Variants in DYNC2LI1 observed in about 807,000 individuals in gnomAD.
DYNC2LI1 encodes the protein dynein cytoplasmic 2 light intermediate chain 1, also known as cytoplasmic dynein 2 light intermediate chain 1.
A neutral mutation model predicts 51.9 loss-of-function variants in DYNC2LI1; 45 were observed. The observed-to-expected ratio is 0.87, with a 90% CI of 0.68 to 1.11. The LOEUF is 1.11. DYNC2LI1 is among the 50% of genes most tolerant of loss of function. The pLI is 0.00. For missense variants in DYNC2LI1, 490 were observed against 417.4 expected (o/e 1.17, Z -1.51); for synonymous variants, 130 against 137.8 (o/e 0.94, Z 0.40).
intron 3 of DYNC2LI1, 147 bp downstream of exon 3, chr2:43,783,701 A>G (rs1673394659): frequency 1.9e-6 from 1 of 517,018 alleles, no homozygotes; most frequent in Non-Finnish European, 3.3e-6. Context: ...ATAACCTTTA[A>G]GAGCGCCTTT....
At chr2:43,789,338 A>G (rs1673670166) in intron 4 of DYNC2LI1, among the ~76,000 whole-genome samples, 1 of 152,214 alleles carries the variant, frequency 6.6e-6, no homozygotes, top group Admixed American at 6.5e-5. Flanking sequence ...CTGCATAAGT[A>G]TATGCTACAT....
intron 5 of DYNC2LI1, chr2:43,792,834 C>A: frequency 6.6e-7 from 1 of 1,507,268 alleles, no homozygotes. Context: ...CAGGATTTCC[C>A]TCACTTCTAA....
the DYNC2LI1 span, chr2:43,820,187 G>A: frequency 1.3e-6 from 2 of 1,486,178 alleles, no homozygotes; most frequent in Non-Finnish European, 1.8e-6. Flanking sequence ...TAAATCCTTT[G>A]TGGTGAGTGG....
the DYNC2LI1 span, chr2:43,823,883 G>C: frequency 1.2e-6 from 2 of 1,610,120 alleles, no homozygotes; most frequent in East Asian, 2.2e-5. Context: ...TAGGGAGAAA[G>C]AGGTGCACCT....
At chr2:43,808,643 A>T (rs1321039584) in intron 12 of DYNC2LI1, among the ~76,000 whole-genome samples, 1 of 152,184 alleles carries the variant, frequency 6.6e-6, no homozygotes, top group Non-Finnish European at 1.5e-5. Flanking sequence ...GGTAAGATAT[A>T]CTCCTTGTGA....
chr2:43,820,732 C>T, the DYNC2LI1 span, among the ~76,000 whole-genome samples: 5 of 152,160 alleles, frequency 3.3e-5, no homozygotes, highest in African/African-American at 1.2e-4. Flanking sequence ...TGGCTCATTG[C>T]AACCTCTGCT....
the DYNC2LI1 span, among the ~76,000 whole-genome samples, chr2:43,821,631 C>G: frequency 6.6e-6 from 1 of 152,130 alleles, no homozygotes; most frequent in African/African-American, 2.4e-5. Context: ...TGGACAATGC[C>G]TATTGCCGCA....
At chr2:43,820,376 A>G in the DYNC2LI1 span, among the ~76,000 whole-genome samples, 18 of 152,300 alleles carry the variant, frequency 1.2e-4, no homozygotes, top group Admixed American at 5.9e-4. Context: ...TACTTAGACA[A>G]TGGTCACAAC....
Position 43,805,372 on chromosome 2 carries a change from T to A in DYNC2LI1, c.993+126T>A, listed in dbSNP as rs1666212724. On this transcript the variant is annotated intron_variant, in intron 12 of 12. Coordinates refer to ENST00000260605, the MANE Select transcript of DYNC2LI1 (RefSeq NM_016008.4). ...GTATCTTCTTTACTATTAAAATTAT[T>A]TAAGTAGTACATCTATTTAAATAAC... The A allele has an allele frequency of 7.4e-6, 4 of 537,370 alleles. No homozygotes were observed. In the South Asian group the frequency reaches 1.1e-4, roughly 15 times the overall value. 33.3% of individuals were successfully genotyped at this position (537,370 alleles called of 1,614,324 possible). A position where few individuals can be genotyped will look rare whatever the true frequency, so the allele number is the denominator to read the frequency against.
At chr2:43,785,142 T>C (rs1673468103) in intron 3 of DYNC2LI1, among the ~76,000 whole-genome samples, 1 of 151,414 alleles carries the variant, frequency 6.6e-6, no homozygotes, top group Admixed American at 6.6e-5. Flanking sequence ...TACCAAAAGA[T>C]ACAAAAATTA....
At chr2:43,799,082 T>G (rs1316706748) in intron 8 of DYNC2LI1, among the ~76,000 whole-genome samples, 1 of 152,112 alleles carries the variant, frequency 6.6e-6, no homozygotes, top group Non-Finnish European at 1.5e-5. Context: ...GGAAGATCAG[T>G]TGAGGCCAGA....
chr2:43,801,631 C>T lies in DYNC2LI1; in HGVS notation c.732-8C>T, dbSNP rs540153501. 6.2e-7 allele frequency: 1 copy of T among 1,603,160 alleles called. No homozygotes were observed. The highest frequency in any genetic ancestry group is 2.2e-5 in the East Asian group (1 of 44,618). ...AACTAATTTAGAATCTTTCTCTTCTCCACGTAGCAAATCAATATGTGTGGA... is the reference window on the plus strand; with the variant it reads ...AACTAATTTAGAATCTTTCTCTTCTTCACGTAGCAAATCAATATGTGTGGA... On this transcript the variant is annotated splice_polypyrimidine_tract_variant and splice_region_variant and intron_variant, in intron 9 of 12. Coordinates refer to ENST00000260605, the MANE Select transcript of DYNC2LI1 (RefSeq NM_016008.4).
chr2:43,786,618 A>T (rs1248933916), intron 3 of DYNC2LI1, among the ~76,000 whole-genome samples: 4 of 152,004 alleles, frequency 2.6e-5, no homozygotes, highest in Admixed American at 6.6e-5. Flanking sequence ...TGGTCAGGAG[A>T]TCTAGACCAT....
At chr2:43,804,588 A>T in intron 10 of DYNC2LI1, 54 bp from the exon 11 acceptor site, 1 of 1,104,588 alleles carries the variant, frequency 9.1e-7, no homozygotes. Context: ...TTATTGGTGG[A>T]GTTTGTAATA....
At chr2:43,824,332 A>G in the DYNC2LI1 span, 2 of 1,614,076 alleles carry the variant, frequency 1.2e-6, no homozygotes, top group Admixed American at 1.7e-5. Flanking sequence ...AAGTTTTATG[A>G]CAAATTGCTG....
chr2:43,787,253 A>G lies in DYNC2LI1; in HGVS notation c.231+3A>G. Reference sequence around the variant, plus strand: ...GAAGAGCAAAAGGGCACAACACAGTAAGTGTCTTTTAAAGTGACATTGCTA... The same window carrying G: ...GAAGAGCAAAAGGGCACAACACAGTGAGTGTCTTTTAAAGTGACATTGCTA... On this transcript the variant is annotated splice_donor_region_variant and intron_variant, in intron 4 of 12. Transcript: ENST00000260605. The G allele has an allele frequency of 5.6e-6, 9 of 1,610,570 alleles. No homozygotes were observed. Among genetic ancestry groups the G allele is most frequent in the Non-Finnish European group, 7.6e-6 (9 of 1,177,582 alleles).
chr2:43,775,646 T>C (rs1481445384), intron 1 of DYNC2LI1: 1 of 355,710 alleles, frequency 2.8e-6, no homozygotes, highest in Non-Finnish European at 5.4e-6. Context: ...CACGAGTGCA[T>C]GTCACCACAC....
chr2:43,777,961 A>G (rs1446212871), intron 2 of DYNC2LI1, among the ~76,000 whole-genome samples: 1 of 152,256 alleles, frequency 6.6e-6, no homozygotes, highest in Non-Finnish European at 1.5e-5. Context: ...TAAATAAAAA[A>G]TTCTGATAAA....
the DYNC2LI1 span, among the ~76,000 whole-genome samples, chr2:43,817,701 G>A: frequency 6.6e-6 from 1 of 151,920 alleles, no homozygotes; most frequent in African/African-American, 2.4e-5. Flanking sequence ...CCTGAGGTCA[G>A]GAGTTTGAGA....
Sources: allele counts gnomAD v4.1 joint callset (sites outside exome capture counted in the v4.1 genomes callset), GRCh38; gene constraint gnomAD v4.1.1; transcripts MANE v1.5; gene names NCBI Gene and HGNC (gene_info 2026-07-23, HGNC 2026-07-21).